Variants in CUBN observed in about 807,000 individuals in gnomAD.
The protein encoded by CUBN is cubilin, also known as 460 kDa receptor.
In CUBN, 282 loss-of-function variants were observed where a neutral mutation model predicts 405.3. That is an observed-to-expected ratio of 0.70 (90% CI 0.63 to 0.77). The LOEUF (loss-of-function observed/expected upper bound fraction) is 0.77. Among genes scored for constraint, CUBN ranks in the 30% least tolerant of loss-of-function variants. The probability of loss-of-function intolerance (pLI) is 0.00; values close to 1 mark genes in which losing one functional copy is unlikely to be tolerated. For missense variants in CUBN, 4,514 were observed against 4,475.2 expected, an observed-to-expected ratio of 1.01 and a Z score of -0.25; for synonymous variants, 1,684 against 1,617.0, an observed-to-expected ratio of 1.04 and a Z score of -0.99.
chr10:17,016,540 G>A (rs927989227), intron 28 of CUBN, among the ~76,000 whole-genome samples: 1 of 152,156 alleles, frequency 6.6e-6, no homozygotes, highest in Non-Finnish European at 1.5e-5. Context: ...GACCCTGTAG[G>A]ACATCTATGT....
rs1369339466 is a variant in CUBN, at chr10:17,071,714, A to G, written c.2447-110T>C. Reference sequence around the variant, plus strand: ...GGAGATAACCGAATATAACATTTCTATGAGAATATTTTCCACTTAACACTT... The same window carrying G: ...GGAGATAACCGAATATAACATTTCTGTGAGAATATTTTCCACTTAACACTT... On this transcript the variant is annotated intron_variant, in intron 18 of 66. Coordinates refer to ENST00000377833, the MANE Select transcript of CUBN (RefSeq NM_001081.4). The G allele has an allele frequency of 2.0e-6, 3 of 1,482,720 alleles. No homozygotes were observed. In the African/African-American group the frequency reaches 4.2e-5, roughly 21 times the overall value. The allele number at this position is 1,482,720 out of a possible 1,614,324, so 91.8% of individuals were successfully genotyped here. A position where few individuals can be genotyped will look rare whatever the true frequency, so the allele number is the denominator to read the frequency against.
At position 16,933,144 on chromosome 10, in the gene CUBN, A is replaced by G. The variant is rs758312303; in HGVS notation, c.6067T>C (p.Ser2023Pro). 6.2e-7 allele frequency: 1 copy of G among 1,614,066 alleles called. No individual in the cohort carries two copies. Among genetic ancestry groups the G allele is most frequent in the Non-Finnish European group, 8.5e-7 (1 of 1,180,004 alleles). ...PDSTVELNIL[S>P]LDIESHRTCA... ...GTTCGGTGAGATTCAATGTCCAGGG[A>G]AAGAATGTTGAGTTCCACGGTAGAG... Residue 2023 changes from serine to proline, a missense_variant, in exon 40 of 67, where the codon TCC becomes CCC. Ser to Pro is a moderately conservative substitution (Grantham distance 74, BLOSUM62 -1). Transcript: ENST00000377833.
intron 56 of CUBN, among the ~76,000 whole-genome samples, chr10:16,879,977 C>T (rs78265863): frequency 0.013 from 2,007 of 152,236 alleles, 55 homozygotes; most frequent in African/African-American, 0.046. Flanking sequence ...ACCCCTACAG[C>T]AATGAGAGGA....
chr10:16,874,615 T>A (rs926355146), intron 57 of CUBN, 112 bp from the exon 58 acceptor site: 5 of 1,320,924 alleles, frequency 3.8e-6, no homozygotes, highest in Admixed American at 1.9e-5. Context: ...GAGGTAATAA[T>A]TATTTTTCTT....
In CUBN at chr10:16,933,121, T is replaced by C; in HGVS notation, c.6090A>G (p.Arg2030=). Residue 2030 remains arginine, a synonymous_variant, in exon 40 of 67, where the codon CGA becomes CGG. Coordinates refer to ENST00000377833, the MANE Select transcript of CUBN (RefSeq NM_001081.4). ...TCACAAGGCTATCATAGGCACACGT[T>C]CGGTGAGATTCAATGTCCAGGGAAA... is the stretch of plus-strand genomic sequence containing the variant. The part of the protein sequence containing the change: ...NILSLDIESH[R]TCAYDSLVIR... 1.2e-6 allele frequency: 2 copies of C among 1,614,070 alleles called. No individual in the cohort carries two copies. Among genetic ancestry groups the C allele is most frequent in the Non-Finnish European group, 1.7e-6 (2 of 1,179,996 alleles).
At chr10:17,113,944 A>C in intron 8 of CUBN, 83 bp downstream of exon 8, 1 of 1,327,368 alleles carries the variant, frequency 7.5e-7, no homozygotes, top group South Asian at 1.3e-5. Context: ...TTGTCTTCTT[A>C]CTCATCAATA....
At chr10:17,003,206 C>T (rs1265323748) in intron 28 of CUBN, among the ~76,000 whole-genome samples, 1 of 152,136 alleles carries the variant, frequency 6.6e-6, no homozygotes, top group African/African-American at 2.4e-5. Context: ...ACATCAAATT[C>T]TTGAGGTTAC....
At chr10:17,009,757 GC>G (rs938271976) in intron 28 of CUBN, among the ~76,000 whole-genome samples, 16 of 152,212 alleles carry the variant, frequency 1.1e-4, no homozygotes, top group African/African-American at 3.9e-4. Context: ...TTCCAATGGT[GC>G]ATCTAGGACT....
intron 4 of CUBN, among the ~76,000 whole-genome samples, chr10:17,124,675 G>A (rs187780589): frequency 0.012 from 1,849 of 152,194 alleles, 19 homozygotes; most frequent in African/African-American, 0.017. Flanking sequence ...TGATCCGCCC[G>A]CCTCAGCCTC....
chr10:16,930,257 G>T (rs1331782288), intron 40 of CUBN, among the ~76,000 whole-genome samples: 17 of 152,164 alleles, frequency 1.1e-4, no homozygotes, highest in Admixed American at 1.0e-3. Context: ...CATTTATTGA[G>T]CAATTAGTAT....
chr10:16,914,488 G>A (rs545521658), intron 47 of CUBN, among the ~76,000 whole-genome samples: 1 of 152,170 alleles, frequency 6.6e-6, no homozygotes, highest in South Asian at 2.1e-4. Context: ...GAACCCGGGA[G>A]GCAGAGGTTG....
At chr10:16,903,456 T>G (rs544849812) in intron 51 of CUBN, among the ~76,000 whole-genome samples, 75 of 152,070 alleles carry the variant, frequency 4.9e-4, no homozygotes, top group Middle Eastern at 6.8e-3. Flanking sequence ...TTCTGTATTA[T>G]GACTGAAAGC....
At chr10:16,949,083 C>CA (rs1221129475) in intron 34 of CUBN, among the ~76,000 whole-genome samples, 1 of 152,130 alleles carries the variant, frequency 6.6e-6, no homozygotes, top group Non-Finnish European at 1.5e-5. Context: ...GAAAAAGGGG[C>CA]ATATTGAAAA....
In CUBN at chr10:16,874,426, T is replaced by C. The variant is rs2131374460; in HGVS notation, c.9184A>G (p.Met3062Val). 2 of 1,614,160 alleles carry C rather than the reference T, an allele frequency of 1.2e-6. No individual in the cohort carries two copies. The highest frequency in any genetic ancestry group is 1.7e-6 in the Non-Finnish European group (2 of 1,179,968). Residue 3062 changes from methionine to valine, a missense_variant, in exon 58 of 67, where the codon ATG becomes GTG. By Grantham distance (21) the Met-to-Val change is conservative. Transcript: ENST00000377833. The part of the protein sequence containing the change: ...AYSYADYPND[M>V]HCLYTITVSD... ...ACGGTGATGGTATACAGACAGTGCA[T>C]ATCATTTGGGTAGTCTGCGTATGAA...
intron 57 of CUBN, among the ~76,000 whole-genome samples, chr10:16,875,287 G>A (rs183475678): frequency 3.8e-4 from 58 of 152,206 alleles, no homozygotes; most frequent in African/African-American, 1.3e-3. Flanking sequence ...GATTATTTTT[G>A]CTTGGGTTTA....
At chr10:16,845,227 G>C (rs1237348665) in intron 60 of CUBN, among the ~76,000 whole-genome samples, 2 of 152,182 alleles carry the variant, frequency 1.3e-5, no homozygotes, top group Non-Finnish European at 2.9e-5. Context: ...AAGGGCAATA[G>C]ACTTTGATAT....
chr10:16,906,441 T>C lies in CUBN; in HGVS notation c.7706-32A>G, dbSNP rs780056072. ...AAACAGAAGGCAACAGAGAAAGTAG[T>C]AGTAAGATTCAGGCCACAACGGAAG... On this transcript the variant is annotated intron_variant, in intron 49 of 66. Coordinates refer to ENST00000377833, the MANE Select transcript of CUBN (RefSeq NM_001081.4). The C allele has an allele frequency of 3.4e-6, 5 of 1,479,978 alleles. No individual in the cohort carries two copies. In the African/African-American group the frequency reaches 5.5e-5, roughly 16 times the overall value. The allele number at this position is 1,479,978 out of a possible 1,614,324, so 91.7% of individuals were successfully genotyped here. A position where few individuals can be genotyped will look rare whatever the true frequency, so the allele number is the denominator to read the frequency against.
At chr10:16,951,052 C>G (rs1333080929) in intron 33 of CUBN, among the ~76,000 whole-genome samples, 1 of 152,152 alleles carries the variant, frequency 6.6e-6, no homozygotes, top group African/African-American at 2.4e-5. Flanking sequence ...TTTTGTTGTT[C>G]TTTAAGCTCC....
At chr10:17,094,487 A>T (rs11254368) in intron 14 of CUBN, among the ~76,000 whole-genome samples, 3 of 152,124 alleles carry the variant, frequency 2.0e-5, no homozygotes, top group African/African-American at 7.2e-5. Context: ...ATGATCTTTC[A>T]TACATAGAAT....
Sources: allele counts gnomAD v4.1 joint callset (sites outside exome capture counted in the v4.1 genomes callset), GRCh38; gene constraint gnomAD v4.1.1; transcripts MANE v1.5; gene names NCBI Gene and HGNC (gene_info 2026-07-23, HGNC 2026-07-21).